Variants in MYCBP2 observed in about 807,000 individuals in gnomAD.
MYCBP2 encodes MYC binding protein 2.
A neutral mutation model predicts 525.3 loss-of-function variants in MYCBP2; 120 were observed. That is an observed-to-expected ratio of 0.23 (90% CI 0.20 to 0.27). The LOEUF (loss-of-function observed/expected upper bound fraction) is 0.27. Among genes scored for constraint, MYCBP2 ranks in the 10% least tolerant of loss-of-function variants. The pLI, the probability that MYCBP2 is intolerant of heterozygous loss-of-function variation, is 1.00. For synonymous variants in MYCBP2, 1,894 were observed against 1,955.8 expected, an observed-to-expected ratio of 0.97 and a Z score of 0.83; for missense variants, 4,149 against 5,657.1, an observed-to-expected ratio of 0.73 and a Z score of 8.55.
intron 79 of MYCBP2, among the ~76,000 whole-genome samples, chr13:77,056,099 G>GGGGGGTGTGTGT (rs536899192): frequency 8.3e-6 from 1 of 120,522 alleles, no homozygotes; most frequent in Non-Finnish European, 1.7e-5. Context: ...CTCTGTGTTT[G>GGGGGGTGTGTGT]GTGTGTGTGT....
intron 3 of MYCBP2, 70 bp downstream of exon 3, chr13:77,288,091 G>T (rs9600851): frequency 7.0e-6 from 10 of 1,425,476 alleles, no homozygotes; most frequent in Non-Finnish European, 9.7e-6. Flanking sequence ...TTAGCAATGC[G>T]TATATATGCA....
Position 77,264,019 on chromosome 13 carries a change from GTATT to G in MYCBP2, c.1358-21_1358-18del, listed in dbSNP as rs777951388. 2 of 1,602,810 alleles carry G rather than the reference GTATT, an allele frequency of 1.2e-6. No individual in the cohort carries two copies. The highest frequency in any genetic ancestry group is 2.7e-5 in the African/African-American group (2 of 74,646). On this transcript the variant is annotated intron_variant, in intron 8 of 82. Coordinates refer to ENST00000544440, the MANE Select transcript of MYCBP2 (RefSeq NM_015057.5). ...TGTGGCAATCTGTGCAAAAGAAAAA[GTATT>G]TATATTACAATACAAGCAAACACCT...
chr13:77,273,274 ATTTTATTATATTTAAAGCTTCAGAGT>A, intron 5 of MYCBP2, among the ~76,000 whole-genome samples, 172 bp downstream of exon 5: 1 of 152,318 alleles, frequency 6.6e-6, no homozygotes, highest in African/African-American at 2.4e-5. Flanking sequence ...GCCAAAATTC[ATTTTATTATATTTAAAGCTTCAGAGT>A]TAAACATACA....
intron 5 of MYCBP2, 89 bp downstream of exon 5, chr13:77,273,383 G>A: frequency 8.5e-7 from 1 of 1,179,388 alleles, no homozygotes; most frequent in Non-Finnish European, 1.2e-6. Flanking sequence ...TAATGAGTGA[G>A]AAAAAGCAGA....
At chr13:77,290,047 A>G (rs2077310763) in intron 2 of MYCBP2, among the ~76,000 whole-genome samples, 2 of 152,200 alleles carry the variant, frequency 1.3e-5, no homozygotes, top group Admixed American at 1.3e-4. Context: ...AAGGAATCCA[A>G]TTAACAAATG....
Position 77,061,648 on chromosome 13 carries a change from AC to A in MYCBP2, c.12903+13del, listed in dbSNP as rs1171412577. The A allele has an allele frequency of 6.2e-7, 1 of 1,608,196 alleles. No homozygotes were observed. Among genetic ancestry groups the A allele is most frequent in the Admixed American group, 1.7e-5 (1 of 59,260 alleles). On this transcript the variant is annotated intron_variant, in intron 75 of 82. Transcript: ENST00000544440. ...ACTGAACATATTTTATGCTCCAGAG[AC>A]AAAAATCTTCACCTGTCTTTGATGA...
At chr13:77,192,688 A>G (rs2061398430) in intron 27 of MYCBP2, among the ~76,000 whole-genome samples, 1 of 152,214 alleles carries the variant, frequency 6.6e-6, no homozygotes, top group Non-Finnish European at 1.5e-5. Context: ...TAGAAAGTCA[A>G]AAAAGATGCT....
rs1566362225 is a variant in MYCBP2 at position 77,067,566 on chromosome 13, G to A, written c.12455+15C>T. ...TCTATTCTGTTTTGGTACTAAAATA[G>A]AGGCAATAACTAACCTGGAATTGAA... is the stretch of plus-strand genomic sequence containing the variant. On this transcript the variant is annotated intron_variant, in intron 71 of 82. Coordinates refer to ENST00000544440, the MANE Select transcript of MYCBP2 (RefSeq NM_015057.5). 1 of 1,612,610 alleles carries A rather than the reference G, an allele frequency of 6.2e-7. No homozygotes were observed.
At chr13:77,256,614 A>G (rs1052663937) in intron 14 of MYCBP2, among the ~76,000 whole-genome samples, 5 of 152,150 alleles carry the variant, frequency 3.3e-5, no homozygotes, top group Admixed American at 3.3e-4. Flanking sequence ...AATAGCAAAC[A>G]GGTATATGAA....
chr13:77,049,304 A>C (rs954307804), intron 82 of MYCBP2, among the ~76,000 whole-genome samples: 9 of 152,212 alleles, frequency 5.9e-5, no homozygotes, highest in African/African-American at 2.2e-4. Flanking sequence ...TTAAAAAAAA[A>C]CAGTATTTGA....
At chr13:77,085,259 G>T (rs1206137228) in intron 62 of MYCBP2, among the ~76,000 whole-genome samples, 1 of 151,838 alleles carries the variant, frequency 6.6e-6, no homozygotes, top group African/African-American at 2.4e-5. Context: ...TTATTGTTTT[G>T]TTATCTAATT....
At chr13:77,128,820 G>C (rs1248961874) in intron 52 of MYCBP2, among the ~76,000 whole-genome samples, 1 of 151,906 alleles carries the variant, frequency 6.6e-6, no homozygotes, top group African/African-American at 2.4e-5. Flanking sequence ...GAGGGAATGT[G>C]AAAGTGTTGG....
intron 71 of MYCBP2, 83 bp downstream of exon 71, chr13:77,067,498 T>G: frequency 7.0e-7 from 1 of 1,425,878 alleles, no homozygotes; most frequent in South Asian, 1.3e-5. Context: ...CCTAACAAGG[T>G]AAAATCTGAA....
Position 77,158,020 on chromosome 13 carries a change from T to C in MYCBP2, c.6687A>G (p.Pro2229=). ...ACTGTTCATTGCTTTGGATTTGGAG[T>C]GGTAAATTTCCCTCAAGTGCTTCTA... ...TILEALEGNL[P]LQIQSNEQSF... Residue 2229 remains proline (P), a synonymous_variant, in exon 45 of 83, where the codon CCA becomes CCG. Transcript: ENST00000544440. 1.2e-6 allele frequency: 2 copies of C among 1,613,570 alleles called. No individual in the cohort carries two copies. The highest frequency in any genetic ancestry group is 2.2e-5 in the East Asian group (1 of 44,832).
intron 52 of MYCBP2, among the ~76,000 whole-genome samples, chr13:77,134,794 T>C (rs566730336): frequency 3.2e-4 from 48 of 152,312 alleles, no homozygotes; most frequent in Admixed American, 2.8e-3. Flanking sequence ...TAAAGTCACT[T>C]TGAACTAAAT....
At chr13:77,144,617 C>T (rs893406180) in intron 48 of MYCBP2, 57 bp from the exon 49 acceptor site, 1 of 1,100,510 alleles carries the variant, frequency 9.1e-7, no homozygotes, top group African/African-American at 1.5e-5. Context: ...CAGTCAACAT[C>T]ATTACGATAG....
intron 15 of MYCBP2, among the ~76,000 whole-genome samples, chr13:77,246,873 T>C (rs564621275): frequency 1.5e-3 from 221 of 152,198 alleles, no homozygotes; most frequent in Non-Finnish European, 2.7e-3. Flanking sequence ...AAGAAACACA[T>C]GATCATCTCA....
At chr13:77,285,857 G>GGAAAGGAAAGGAAAGGAAAGGAAA (rs1555459735) in intron 3 of MYCBP2, among the ~76,000 whole-genome samples, 1 of 146,028 alleles carries the variant, frequency 6.8e-6, no homozygotes, top group African/African-American at 2.6e-5. Context: ...GAGAAAGGAA[G>GGAAAGGAAAGGAAAGGAAAGGAAA]GGAAAGGAAA....
intron 6 of MYCBP2, 65 bp downstream of exon 6, chr13:77,270,227 AACAC>A: frequency 3.3e-6 from 5 of 1,514,274 alleles, no homozygotes; most frequent in Non-Finnish European, 4.4e-6. Flanking sequence ...TGAAACTAGA[AACAC>A]ACAGAACACA....
Sources: gnomAD v4.1 joint callset for allele counts (sites outside exome capture counted in the v4.1 genomes callset) on GRCh38, gnomAD v4.1.1 for gene constraint, MANE v1.5 for transcripts, NCBI Gene and HGNC (gene_info 2026-07-23, HGNC 2026-07-21) for gene names.